PTPRD: variants seen among roughly 807,000 people sequenced by gnomAD.
The protein encoded by PTPRD is receptor-type tyrosine-protein phosphatase delta.
A neutral mutation model predicts 214.5 loss-of-function variants in PTPRD; 34 were observed. The ratio of observed to expected loss-of-function variants is 0.16; its 90% CI spans 0.12 to 0.21. PTPRD has a LOEUF of 0.21. PTPRD is among the 10% of genes least tolerant of loss of function. PTPRD has a pLI of 1.00. For missense variants in PTPRD, 2,545 were observed against 2,398.7 expected (o/e 1.06, Z -1.27); for synonymous variants, 1,128 against 845.7 (o/e 1.33, Z -5.79).
chr9:9,000,415 T>C (rs925181199), intron 11 of PTPRD, among the ~76,000 whole-genome samples: 2 of 152,034 alleles, frequency 1.3e-5, no homozygotes, highest in African/African-American at 2.4e-5. Flanking sequence ...AAGACAGAAA[T>C]GGAAATGACA....
chr9:8,732,188 A>C (rs1199420073), intron 12 of PTPRD, among the ~76,000 whole-genome samples: 1 of 152,200 alleles, frequency 6.6e-6, no homozygotes, highest in East Asian at 1.9e-4. Flanking sequence ...TCTAAACTCC[A>C]CATCTGTCTG....
chr9:10,386,183 G>C (rs182227404), intron 2 of PTPRD, among the ~76,000 whole-genome samples: 2 of 151,816 alleles, frequency 1.3e-5, no homozygotes, highest in Admixed American at 1.3e-4. Flanking sequence ...AAGGTTTAGA[G>C]CGAGTTTATA....
intron 5 of PTPRD, among the ~76,000 whole-genome samples, chr9:9,923,329 A>G (rs888701330): frequency 2.0e-5 from 3 of 151,840 alleles, no homozygotes; most frequent in African/African-American, 7.3e-5. Context: ...AAGTTAAAAG[A>G]AAGACACAAA....
At chr9:8,766,731 T>C (rs2154480618) in intron 11 of PTPRD, among the ~76,000 whole-genome samples, 1 of 152,320 alleles carries the variant, frequency 6.6e-6, no homozygotes, top group East Asian at 1.9e-4. Context: ...AAAAGTTGGG[T>C]AAATAATTGT....
intron 11 of PTPRD, among the ~76,000 whole-genome samples, chr9:8,923,209 T>C (rs1008252387): frequency 6.6e-6 from 1 of 151,480 alleles, no homozygotes; most frequent in Non-Finnish European, 1.5e-5. Context: ...GCCCAGCTAA[T>C]TTTTGTATTT....
intron 8 of PTPRD, among the ~76,000 whole-genome samples, chr9:9,500,896 C>T (rs1455695592): frequency 6.6e-6 from 1 of 151,910 alleles, no homozygotes; most frequent in Non-Finnish European, 1.5e-5. Context: ...TGTTTTTATA[C>T]TACTCTATTT....
At chr9:9,742,581 A>T (rs1349435408) in intron 6 of PTPRD, among the ~76,000 whole-genome samples, 1 of 152,142 alleles carries the variant, frequency 6.6e-6, no homozygotes, top group Non-Finnish European at 1.5e-5. Flanking sequence ...GTTTAGGAAC[A>T]TGTTATGCTA....
At chr9:9,828,506 T>G (rs1356610696) in intron 5 of PTPRD, among the ~76,000 whole-genome samples, 1 of 151,772 alleles carries the variant, frequency 6.6e-6, no homozygotes, top group Non-Finnish European at 1.5e-5. Context: ...TGTTGTGAGG[T>G]GTGGGGAGAG....
At chr9:9,076,094 A>T (rs1166038928) in intron 10 of PTPRD, among the ~76,000 whole-genome samples, 1 of 152,112 alleles carries the variant, frequency 6.6e-6, no homozygotes, top group African/African-American at 2.4e-5. Context: ...CTTTTTAGTG[A>T]TCACCATTCT....
At chr9:8,477,974 T>C (rs2096799505) in intron 30 of PTPRD, among the ~76,000 whole-genome samples, 1 of 152,210 alleles carries the variant, frequency 6.6e-6, no homozygotes, top group Non-Finnish European at 1.5e-5. Context: ...TCCTCAGCTA[T>C]AAAATAAGGA....
intron 3 of PTPRD, among the ~76,000 whole-genome samples, chr9:10,269,497 G>C (rs945713128): frequency 6.6e-6 from 1 of 152,074 alleles, no homozygotes; most frequent in Non-Finnish European, 1.5e-5. Context: ...ACAACCACCT[G>C]AGGAAAGAAA....
intron 9 of PTPRD, among the ~76,000 whole-genome samples, chr9:9,360,925 A>C (rs2055888628): frequency 6.6e-6 from 1 of 151,118 alleles, no homozygotes; most frequent in African/African-American, 2.4e-5. Flanking sequence ...AGATGTGTAC[A>C]CAGAAATTAC....
intron 2 of PTPRD, among the ~76,000 whole-genome samples, chr9:10,570,613 T>C (rs1241968440): frequency 6.6e-6 from 1 of 152,022 alleles, no homozygotes; most frequent in Non-Finnish European, 1.5e-5. Flanking sequence ...GATGGGAACC[T>C]TATTATTTTA....
intron 11 of PTPRD, among the ~76,000 whole-genome samples, chr9:8,763,675 C>CAA (rs80084155): frequency 7.5e-6 from 1 of 132,996 alleles, no homozygotes. Flanking sequence ...TTCCCTAAAA[C>CAA]AAAAAAAAAA....
At position 8,375,805 on chromosome 9, in the gene PTPRD, T is replaced by C; in HGVS notation, c.4661+131A>G. ...CTATTGATGTTAGCATAGGCCTCAT[T>C]TGACCAAAAGAGAGCTGTATTATTT... On this transcript the variant is annotated intron_variant, in intron 39 of 45. Coordinates refer to ENST00000381196, the MANE Select transcript of PTPRD (RefSeq NM_002839.4). 6 of 1,118,288 alleles carry C rather than the reference T, an allele frequency of 5.4e-6. No homozygotes were observed. In the South Asian group the frequency reaches 1.1e-4, roughly 20 times the overall value. 69.3% of individuals were successfully genotyped at this position (1,118,288 alleles called of 1,614,324 possible).
chr9:10,224,546 G>T (rs2099582430), intron 3 of PTPRD, among the ~76,000 whole-genome samples: 1 of 151,984 alleles, frequency 6.6e-6, no homozygotes, highest in Admixed American at 6.6e-5. Flanking sequence ...TTAAGGTATT[G>T]TTGAAATTCT....
intron 9 of PTPRD, among the ~76,000 whole-genome samples, chr9:9,385,522 G>T (rs151197548): frequency 1.3e-5 from 2 of 152,156 alleles, no homozygotes; most frequent in Non-Finnish European, 2.9e-5. Context: ...TTTCAGGAAA[G>T]TGTGTGAAAT....
At chr9:9,991,853 C>G (rs2095943095) in intron 4 of PTPRD, among the ~76,000 whole-genome samples, 1 of 151,714 alleles carries the variant, frequency 6.6e-6, no homozygotes, top group Admixed American at 6.6e-5. Flanking sequence ...CACACACACA[C>G]ACACACACAC....
At chr9:10,330,112 G>A (rs373327484) in intron 3 of PTPRD, among the ~76,000 whole-genome samples, 1 of 151,602 alleles carries the variant, frequency 6.6e-6, no homozygotes, top group African/African-American at 2.4e-5. Context: ...CTGTCAATTT[G>A]TATAACAAGA....
Sources: allele counts gnomAD v4.1 joint callset (sites outside exome capture counted in the v4.1 genomes callset), GRCh38; gene constraint gnomAD v4.1.1; transcripts MANE v1.5; gene names NCBI Gene and HGNC (gene_info 2026-07-23, HGNC 2026-07-21).